PBRM1: variants seen among roughly 807,000 people sequenced by gnomAD.
The protein encoded by PBRM1 is polybromo 1.
In PBRM1, 27 loss-of-function variants were observed where a neutral mutation model predicts 194.5. The ratio of observed to expected loss-of-function variants is 0.14; its 90% CI spans 0.10 to 0.19. The LOEUF (loss-of-function observed/expected upper bound fraction) is 0.19. Among genes scored for constraint, PBRM1 ranks in the 10% least tolerant of loss-of-function variants. The pLI, the probability that PBRM1 is intolerant of heterozygous loss-of-function variation, is 1.00. For missense variants in PBRM1, 1,466 were observed against 2,077.2 expected (o/e 0.71, Z 5.72); for synonymous variants, 655 against 693.2 (o/e 0.94, Z 0.87).
chr3:52,550,521 T>C, exon 29 of PBRM1: 1 of 1,581,382 alleles, frequency 6.3e-7, no homozygotes, highest in Non-Finnish European at 8.6e-7. Flanking sequence ...GCTGGGTCTT[T>C]GGTGGGGGAG....
At chr3:52,634,721 C>T (rs1333911211) in exon 11 of PBRM1, 10 of 1,613,756 alleles carry the variant, frequency 6.2e-6, no homozygotes, top group Non-Finnish European at 8.5e-6. Context: ...TCCGACAACT[C>T]CTAACTGTGT....
At chr3:52,640,494 C>T (rs1351134973) in intron 10 of PBRM1, among the ~76,000 whole-genome samples, 1 of 151,876 alleles carries the variant, frequency 6.6e-6, no homozygotes, top group Non-Finnish European at 1.5e-5. Flanking sequence ...TGGTCTTGAA[C>T]TTCTGGGCTC....
chr3:52,598,972 A>G (rs1214566745), intron 17 of PBRM1, among the ~76,000 whole-genome samples: 2 of 149,530 alleles, frequency 1.3e-5, no homozygotes, highest in Non-Finnish European at 3.0e-5. Context: ...CAGTGAGCTG[A>G]GATCACACCA....
At chr3:52,670,945 G>A (rs977147032) in intron 2 of PBRM1, among the ~76,000 whole-genome samples, 1 of 152,178 alleles carries the variant, frequency 6.6e-6, no homozygotes, top group Non-Finnish European at 1.5e-5. Flanking sequence ...TAGCCAATAC[G>A]AGAGCTGAAG....
intron 17 of PBRM1, among the ~76,000 whole-genome samples, chr3:52,596,457 A>C (rs1576408785): frequency 4.3e-5 from 2 of 46,632 alleles, no homozygotes; most frequent in African/African-American, 1.5e-4. Flanking sequence ...AAAAAAAAAA[A>C]AAAAAAAAAA....
chr3:52,652,199 C>T (rs1297797773), intron 5 of PBRM1, among the ~76,000 whole-genome samples: 2 of 151,838 alleles, frequency 1.3e-5, no homozygotes, highest in East Asian at 3.9e-4. Context: ...GCCTGGCCAA[C>T]ATGGTGAAAC....
At chr3:52,662,312 A>G (rs1490136229) in intron 3 of PBRM1, 36 bp from the exon 5 acceptor site, 8 of 1,548,132 alleles carry the variant, frequency 5.2e-6, no homozygotes, top group African/African-American at 2.8e-5. Flanking sequence ...AAAACACTTT[A>G]GTAATGTATT....
At chr3:52,577,911 C>G (rs898109579) in intron 21 of PBRM1, among the ~76,000 whole-genome samples, 1 of 152,134 alleles carries the variant, frequency 6.6e-6, no homozygotes, top group African/African-American at 2.4e-5. Context: ...TCCATTAACT[C>G]AGTAAAAACC....
rs1560411849 is a variant in PBRM1 at position 52,617,257 on chromosome 3, C to A, written c.1818+5G>T. The stretch of plus-strand genomic sequence containing the variant: ...GCCTACTTCAGGACCGCTGGCCCTC[C>A]TTACCTGGGAGCCCTCCTCATTATA... On this transcript the variant is annotated splice_donor_5th_base_variant and intron_variant, in intron 14 of 29. Coordinates refer to ENST00000296302, the Ensembl canonical transcript of PBRM1. 2 of 1,611,580 alleles carry A rather than the reference C, an allele frequency of 1.2e-6. No individual in the cohort carries two copies. Among genetic ancestry groups the A allele is most frequent in the African/African-American group, 2.7e-5 (2 of 74,812 alleles).
At position 52,653,879 on chromosome 3, in the gene PBRM1, C is replaced by T. The variant is rs960722359; in HGVS notation, c.646-2069G>A. On this transcript the variant is annotated intron_variant, in intron 5 of 29. Coordinates refer to ENST00000296302, the Ensembl canonical transcript of PBRM1. ...GGGCTGAGATCACGCCACTGCACTC[C>T]AGCCTGGGTGACAGAGCAAGACTGT... Among the ~76,000 whole-genome samples the T allele has an allele frequency of 7.2e-5, 11 of 152,292 alleles. No homozygotes were observed. In the South Asian group the frequency reaches 1.5e-3, roughly 20 times the overall value.
chr3:52,568,853 C>T (rs569669337), intron 22 of PBRM1, among the ~76,000 whole-genome samples: 2 of 152,084 alleles, frequency 1.3e-5, no homozygotes, highest in Non-Finnish European at 2.9e-5. Context: ...AGGATAGATC[C>T]CCTTTCACTA....
intron 20 of PBRM1, 129 bp downstream of exon 22, chr3:52,586,296 C>T: frequency 1.3e-6 from 1 of 760,600 alleles, no homozygotes; most frequent in Non-Finnish European, 2.1e-6. Flanking sequence ...GTTATAGTTT[C>T]CTTCTTCCTG....
chr3:52,553,628 T>C (rs1298986899), intron 27 of PBRM1, among the ~76,000 whole-genome samples: 12 of 150,290 alleles, frequency 8.0e-5, no homozygotes, highest in African/African-American at 2.9e-4. Flanking sequence ...TAGCTGGGAC[T>C]ACAGGCACAT....
At chr3:52,637,904 C>T (rs2095887281) in intron 10 of PBRM1, among the ~76,000 whole-genome samples, 1 of 151,696 alleles carries the variant, frequency 6.6e-6, no homozygotes. Flanking sequence ...GGGGATTGCG[C>T]CATTGCACTC....
chr3:52,643,697 C>T (rs769494038), intron 8 of PBRM1, among the ~76,000 whole-genome samples: 5 of 152,216 alleles, frequency 3.3e-5, no homozygotes, highest in Non-Finnish European at 7.3e-5. Flanking sequence ...CCTGGCCGGG[C>T]GCAGTGGCTC....
At chr3:52,603,393 T>A in intron 17 of PBRM1, 128 bp downstream of exon 19, 1 of 901,048 alleles carries the variant, frequency 1.1e-6, no homozygotes, top group Non-Finnish European at 1.6e-6. Flanking sequence ...TCTCATTGCG[T>A]CTACTCTAAT....
chr3:52,589,973 C>A (rs1560131249), intron 17 of PBRM1, among the ~76,000 whole-genome samples: 1 of 152,034 alleles, frequency 6.6e-6, no homozygotes, highest in East Asian at 2.0e-4. Flanking sequence ...GGATTACAGG[C>A]ATGCACCACC....
rs6803492 is a variant in PBRM1 at position 52,615,074 on chromosome 3, C to G, written c.1924+277G>C. Among the ~76,000 whole-genome samples the G allele has an allele frequency of 0.12, 17,761 of 152,088 alleles. 2,594 individuals carry two copies. Among genetic ancestry groups the G allele is most frequent in the African/African-American group, 0.35 (14,328 of 41,418 alleles). On this transcript the variant is annotated intron_variant, in intron 15 of 29. Transcript: ENST00000296302. ...CTATATTCTTACAGCATTATACGTA[C>G]AGAAAAATCTATTCTTACTATTTAA...
At chr3:52,642,208 A>G (rs1230000043) in intron 9 of PBRM1, among the ~76,000 whole-genome samples, 163 bp from the exon 11 acceptor site, 1 of 152,218 alleles carries the variant, frequency 6.6e-6, no homozygotes, top group East Asian at 1.9e-4. Flanking sequence ...CTCATAATCA[A>G]TCTTAGCCGA....
Sources: gnomAD v4.1 joint callset for allele counts (sites outside exome capture counted in the v4.1 genomes callset) on GRCh38, gnomAD v4.1.1 for gene constraint, MANE v1.5 for transcripts, NCBI Gene and HGNC (gene_info 2026-07-23, HGNC 2026-07-21) for gene names.